The following FAM135B variants were observed in gnomAD, a reference collection of about 807,000 sequenced individuals.
The protein encoded by FAM135B is family with sequence similarity 135 member B, also known as protein FAM135B.
Under a neutral mutation model 127.7 loss-of-function variants are expected in FAM135B, and 43 were observed. The ratio of observed to expected loss-of-function variants is 0.34; its 90% confidence interval spans 0.26 to 0.43. The LOEUF (loss-of-function observed/expected upper bound fraction) is 0.43. Ranked by LOEUF, FAM135B falls within the 20% of genes least tolerant of loss-of-function variation. The pLI is 1.00. For missense variants in FAM135B, 1,558 were observed against 1,725.6 expected, an observed-to-expected ratio of 0.90 and a Z score of 1.72; for synonymous variants, 670 against 665.1, an observed-to-expected ratio of 1.01 and a Z score of -0.11.
intron 1 of FAM135B, among the ~76,000 whole-genome samples, chr8:138,444,865 C>T (rs1836020358): frequency 6.6e-6 from 1 of 152,102 alleles, no homozygotes; most frequent in African/African-American, 2.4e-5. Flanking sequence ...AATCCAGGAG[C>T]TGGTTTTTTG....
intron 2 of FAM135B, among the ~76,000 whole-genome samples, chr8:138,316,931 G>C (rs1257200103): frequency 4.0e-5 from 6 of 150,776 alleles, no homozygotes; most frequent in African/African-American, 1.5e-4. Flanking sequence ...AGTGAGCCGT[G>C]ACCGCACCAC....
intron 1 of FAM135B, among the ~76,000 whole-genome samples, chr8:138,485,896 T>C (rs1466811708): frequency 2.0e-5 from 3 of 152,008 alleles, no homozygotes; most frequent in South Asian, 2.1e-4. Flanking sequence ...AAGTATGATA[T>C]GTGAGTGAGT....
intron 11 of FAM135B, among the ~76,000 whole-genome samples, chr8:138,173,860 T>C (rs1485653313): frequency 6.6e-6 from 1 of 152,234 alleles, no homozygotes; most frequent in African/African-American, 2.4e-5. Context: ...TTTCACCCAA[T>C]ACCTCTTTGC....
chr8:138,343,718 A>G lies in FAM135B; in HGVS notation c.77+24189T>C, dbSNP rs79411542. 8.8e-3 allele frequency among the ~76,000 whole-genome samples: 1,339 copies of G among 152,232 alleles called. 24 individuals are homozygous for G. The highest frequency in any genetic ancestry group is 0.031 in the African/African-American group (1,286 of 41,530). ...ATTCCATCACCTCCCAAACGTGTCT[A>G]CTGTGTCCCCTGGAACTCCCACCTC... On this transcript the variant is annotated intron_variant, in intron 2 of 19. Coordinates refer to ENST00000395297, the MANE Select transcript of FAM135B (RefSeq NM_015912.4).
At chr8:138,165,184 G>T (rs1047769882) in intron 12 of FAM135B, among the ~76,000 whole-genome samples, 4 of 151,664 alleles carry the variant, frequency 2.6e-5, no homozygotes, top group African/African-American at 7.3e-5. Flanking sequence ...GCAATGGCGG[G>T]ATCTAGGCTC....
At chr8:138,229,867 C>T (rs1218953567) in intron 7 of FAM135B, among the ~76,000 whole-genome samples, 1 of 147,030 alleles carries the variant, frequency 6.8e-6, no homozygotes, top group African/African-American at 2.7e-5. Context: ...CTCGTGAGCA[C>T]TCACTCACTA....
chr8:138,305,379 C>A (rs549506852), intron 3 of FAM135B, among the ~76,000 whole-genome samples: 49 of 152,146 alleles, frequency 3.2e-4, no homozygotes, highest in African/African-American at 1.1e-3. Flanking sequence ...TGATCAGCCC[C>A]CTAAGGGAAA....
intron 2 of FAM135B, among the ~76,000 whole-genome samples, chr8:138,351,079 A>T (rs1829748725): frequency 6.6e-6 from 1 of 152,082 alleles, no homozygotes; most frequent in African/African-American, 2.4e-5. Context: ...TCTACCCAAA[A>T]TTTTGTTACT....
At chr8:138,463,671 A>G (rs955003776) in intron 1 of FAM135B, among the ~76,000 whole-genome samples, 3 of 152,156 alleles carry the variant, frequency 2.0e-5, no homozygotes, top group Non-Finnish European at 2.9e-5. Context: ...AATGAGAAAG[A>G]GGAAGTAGCT....
At chr8:138,387,381 T>C (rs7837068) in intron 1 of FAM135B, among the ~76,000 whole-genome samples, 34,042 of 152,056 alleles carry the variant, frequency 0.22, 4,103 homozygotes, top group Middle Eastern at 0.3. Context: ...GGATTTGAGA[T>C]GACGGGGAGT....
In FAM135B at chr8:138,132,190, G is replaced by A. The variant is rs549475871; in HGVS notation, c.*403C>T. On this transcript the variant is annotated 3_prime_UTR_variant, in exon 20 of 20. Coordinates refer to ENST00000395297, the MANE Select transcript of FAM135B (RefSeq NM_015912.4). This position sits in a 1 kb window ranked among gnomAD's most constrained non-coding sequence, Gnocchi z 4.5. ...GATTAACCTGAGTTCTGAAATGCTT[G>A]TGTGCACTTAATCAGAAATGATAAA... is the stretch of plus-strand genomic sequence containing the variant. 9.9e-5 allele frequency: 20 copies of A among 201,548 alleles called. No homozygotes were observed. The South Asian group carries it at 1.3e-3, about 13-fold the overall frequency. The allele number at this position is 201,548 out of a possible 1,614,324, so 12.5% of individuals were successfully genotyped here.
At chr8:138,220,328 C>T (rs141246632) in intron 7 of FAM135B, among the ~76,000 whole-genome samples, 27 of 152,256 alleles carry the variant, frequency 1.8e-4, no homozygotes, top group African/African-American at 6.0e-4. Context: ...CTCTAATCAG[C>T]AGCTGAAGTA....
In FAM135B at chr8:138,356,868, A is replaced by T. The variant is rs1212733444; in HGVS notation, c.77+11039T>A. 5.3e-5 allele frequency among the ~76,000 whole-genome samples: 8 copies of T among 152,274 alleles called. No individual in the cohort carries two copies. In the South Asian group the frequency reaches 1.2e-3, roughly 24 times the overall value. ...TTAAAAAGTGCAGATCCATTACCTA[A>T]TACCATGAAGTTTCTTAATCTATGT... is the stretch of plus-strand genomic sequence containing the variant. On this transcript the variant is annotated intron_variant, in intron 2 of 19. Coordinates refer to ENST00000395297, the MANE Select transcript of FAM135B (RefSeq NM_015912.4).
intron 1 of FAM135B, chr8:138,438,454 A>C (rs1029133905): frequency 6.6e-6 from 1 of 152,178 alleles, no homozygotes; most frequent in Non-Finnish European, 1.5e-5. Flanking sequence ...TACATCTACA[A>C]ATCAAATTTG....
In FAM135B at chr8:138,449,075, C is replaced by T. The variant is rs576499931; in HGVS notation, c.-20+47596G>A. On this transcript the variant is annotated intron_variant, in intron 1 of 19. Coordinates refer to ENST00000395297, the MANE Select transcript of FAM135B (RefSeq NM_015912.4). ...AATATGTTTACTATAAATAAATTGA[C>T]GCCACATCAGGCCCAGGTTTACTCA... 7.2e-5 allele frequency among the ~76,000 whole-genome samples: 11 copies of T among 152,162 alleles called. No individual in the cohort carries two copies. In the South Asian group the frequency reaches 1.0e-3, roughly 14 times the overall value.
intron 1 of FAM135B, among the ~76,000 whole-genome samples, chr8:138,392,289 G>T (rs1363114538): frequency 6.6e-6 from 1 of 152,116 alleles, no homozygotes; most frequent in Admixed American, 6.5e-5. Context: ...CTTGCTTCAG[G>T]GAACTCTCCA....
At chr8:138,310,037 T>A (rs1826558388) in intron 3 of FAM135B, among the ~76,000 whole-genome samples, 1 of 151,856 alleles carries the variant, frequency 6.6e-6, no homozygotes, top group South Asian at 2.1e-4. Context: ...CCTGGCTAAT[T>A]TTTTTGTATT....
At chr8:138,439,062 T>G (rs1012797883) in intron 1 of FAM135B, 3 of 152,168 alleles carry the variant, frequency 2.0e-5, no homozygotes, top group African/African-American at 7.2e-5. Flanking sequence ...TATTAGCCTT[T>G]AGAAAACACA....
intron 2 of FAM135B, among the ~76,000 whole-genome samples, chr8:138,344,230 T>C (rs1011813329): frequency 2.4e-4 from 36 of 152,192 alleles, no homozygotes; most frequent in East Asian, 7.7e-4. Flanking sequence ...GAAGATACCA[T>C]GTCAAGAATG....
Sources: gnomAD v4.1 joint callset for allele counts (sites outside exome capture counted in the v4.1 genomes callset) on GRCh38, gnomAD v4.1.1 for gene constraint, Gnocchi (gnomAD v3.1) non-coding constraint, MANE v1.5 for transcripts, NCBI Gene and HGNC (gene_info 2026-07-23, HGNC 2026-07-21) for gene names.